SPATA6: variants seen among roughly 807,000 people sequenced by gnomAD.
SPATA6 encodes spermatogenesis-associated protein 6.
A neutral mutation model predicts 65.3 loss-of-function variants in SPATA6; 56 were observed. The ratio of observed to expected loss-of-function variants is 0.86; its 90% CI spans 0.69 to 1.07. The LOEUF (loss-of-function observed/expected upper bound fraction) is 1.07. Ranked by LOEUF, SPATA6 falls within the 50% of genes least tolerant of loss-of-function variation. The pLI, the probability that SPATA6 is intolerant of heterozygous loss-of-function variation, is 0.00. For missense variants in SPATA6, 590 were observed against 594.8 expected (o/e 0.99, Z 0.08); for synonymous variants, 199 against 213.2 (o/e 0.93, Z 0.58).
intron 1 of SPATA6, among the ~76,000 whole-genome samples, chr1:48,468,225 T>C (rs1031123148): frequency 8.5e-5 from 13 of 152,176 alleles, no homozygotes; most frequent in African/African-American, 3.1e-4. Flanking sequence ...GGTGTGTGTG[T>C]ACACTATTCC....
At chr1:48,381,649 T>TTTTG (rs1491234705) in intron 9 of SPATA6, among the ~76,000 whole-genome samples, 96 of 40,116 alleles carry the variant, frequency 2.4e-3, no homozygotes, top group African/African-American at 0.017. Flanking sequence ...ATGGTTTTTC[T>TTTTG]TTTTTTTTTT....
At chr1:48,442,335 G>T (rs1450092244) in intron 3 of SPATA6, among the ~76,000 whole-genome samples, 1 of 152,146 alleles carries the variant, frequency 6.6e-6, no homozygotes, top group Non-Finnish European at 1.5e-5. Flanking sequence ...AATATGGAAA[G>T]AAACGGAGTT....
rs1018468739 is a variant in SPATA6, at chr1:48,307,346, TTA to T, written c.1195-1470_1195-1469del. ...TTTTCAGACTATATTTTGTGATATT[TTA>T]TATATATATAATTATATATTTATGT... is the stretch of plus-strand genomic sequence containing the variant. On this transcript the variant is annotated intron_variant, in intron 11 of 12. Coordinates refer to ENST00000371847, the MANE Select transcript of SPATA6 (RefSeq NM_019073.4). Among the ~76,000 whole-genome samples the T allele has an allele frequency of 1.0e-4, 15 of 147,974 alleles. No individual in the cohort carries two copies. In the South Asian group the frequency reaches 2.5e-3, roughly 25 times the overall value.
chr1:48,454,509 T>A (rs1438989057), intron 1 of SPATA6, among the ~76,000 whole-genome samples: 1 of 152,200 alleles, frequency 6.6e-6, no homozygotes, highest in Non-Finnish European at 1.5e-5. Context: ...AAACATTTAT[T>A]ATGAACTTAC....
intron 3 of SPATA6, among the ~76,000 whole-genome samples, chr1:48,427,482 A>C (rs1167850225): frequency 6.6e-6 from 1 of 151,928 alleles, no homozygotes; most frequent in African/African-American, 2.4e-5. Flanking sequence ...TCGTTCAGGA[A>C]ACTTTGCTGA....
chr1:48,302,602 G>A (rs1225892394), intron 12 of SPATA6, among the ~76,000 whole-genome samples: 1 of 152,154 alleles, frequency 6.6e-6, no homozygotes, highest in Non-Finnish European at 1.5e-5. Flanking sequence ...TGTGGCTTTG[G>A]TAATATATTC....
At chr1:48,438,490 T>C (rs1189163266) in intron 3 of SPATA6, among the ~76,000 whole-genome samples, 1 of 152,224 alleles carries the variant, frequency 6.6e-6, no homozygotes, top group Non-Finnish European at 1.5e-5. Flanking sequence ...ACTGGTTTGC[T>C]TGGAACCAGC....
At chr1:48,389,611 GGAT>G (rs1198653484) in intron 8 of SPATA6, among the ~76,000 whole-genome samples, 1 of 151,924 alleles carries the variant, frequency 6.6e-6, no homozygotes, top group Non-Finnish European at 1.5e-5. Context: ...ACCAGGAATG[GGAT>G]GATAAATTCA....
chr1:48,385,738 C>A (rs1192950755), intron 8 of SPATA6, among the ~76,000 whole-genome samples: 1 of 152,092 alleles, frequency 6.6e-6, no homozygotes, highest in Non-Finnish European at 1.5e-5. Flanking sequence ...TTCTTATACT[C>A]CATTCTAGAT....
chr1:48,395,666 A>G (rs1049564977), intron 7 of SPATA6, among the ~76,000 whole-genome samples: 5 of 151,962 alleles, frequency 3.3e-5, no homozygotes, highest in African/African-American at 1.2e-4. Context: ...GGTTAAAAAA[A>G]GAGCAATATA....
intron 9 of SPATA6, among the ~76,000 whole-genome samples, chr1:48,368,143 T>C (rs969160480): frequency 1.6e-4 from 25 of 152,238 alleles, no homozygotes; most frequent in South Asian, 2.1e-4. Flanking sequence ...TCCTGGCTTG[T>C]AGAGTTTCTG....
chr1:48,394,070 A>G (rs1447561988), intron 8 of SPATA6, among the ~76,000 whole-genome samples: 1 of 152,178 alleles, frequency 6.6e-6, no homozygotes, highest in African/African-American at 2.4e-5. Flanking sequence ...AGAAAAAGAG[A>G]AAGAAAAAGC....
At chr1:48,471,895 C>G in intron 1 of SPATA6, 63 bp downstream of exon 1, 10 of 1,584,398 alleles carry the variant, frequency 6.3e-6, no homozygotes, top group Non-Finnish European at 7.7e-6. Context: ...TCCGGGCTCT[C>G]GGAGGTGACT....
intron 9 of SPATA6, among the ~76,000 whole-genome samples, chr1:48,368,701 T>C (rs1557625306): frequency 6.6e-6 from 1 of 152,206 alleles, no homozygotes. Flanking sequence ...TTTGTCTAAT[T>C]TTTTTTCAAA....
At chr1:48,400,851 GATT>G (rs1557666709) in intron 6 of SPATA6, 1 of 1,263,058 alleles carries the variant, frequency 7.9e-7, no homozygotes, top group Non-Finnish European at 1.0e-6. Flanking sequence ...CTTGTTCAAT[GATT>G]TCAAAAAGTA....
chr1:48,418,753 GAGGGAAGGAAGGAAGA>G (rs772922007), intron 3 of SPATA6, among the ~76,000 whole-genome samples: 12,173 of 138,896 alleles, frequency 0.088, 717 homozygotes, highest in South Asian at 0.14. Context: ...AGGAAGGAAG[GAGGGAAGGAAGGAAGA>G]AGGGAAGGAA....
chr1:48,368,409 CT>C (rs1460070331), intron 9 of SPATA6, among the ~76,000 whole-genome samples: 2 of 152,172 alleles, frequency 1.3e-5, no homozygotes, highest in Admixed American at 6.5e-5. Context: ...TGGTTTCATT[CT>C]CCCCGTCACT....
intron 3 of SPATA6, among the ~76,000 whole-genome samples, chr1:48,421,030 A>G (rs2148017964): frequency 6.6e-6 from 1 of 152,258 alleles, no homozygotes; most frequent in East Asian, 1.9e-4. Context: ...TAATAACCAG[A>G]GCTTGGGTAG....
intron 3 of SPATA6, among the ~76,000 whole-genome samples, chr1:48,422,475 T>C (rs1010076051): frequency 4.6e-5 from 7 of 152,108 alleles, no homozygotes; most frequent in Non-Finnish European, 7.3e-5. Context: ...GAGGAAGCCT[T>C]TATAAAGTCT....
Sources: allele counts gnomAD v4.1 joint callset (sites outside exome capture counted in the v4.1 genomes callset), GRCh38; gene constraint gnomAD v4.1.1; transcripts MANE v1.5; gene names NCBI Gene and HGNC (gene_info 2026-07-23, HGNC 2026-07-21).